The following SMIM36 variants were observed in gnomAD, a reference collection of about 807,000 sequenced individuals.
SMIM36 encodes the protein small integral membrane protein 36.
intron 1 of SMIM36, among the ~76,000 whole-genome samples, chr17:55,498,197 C>T (rs1032125668): frequency 6.6e-6 from 1 of 152,130 alleles, no homozygotes; most frequent in African/African-American, 2.4e-5. Flanking sequence ...GGATTAGGGG[C>T]CCACCATACT....
intron 4 of SMIM36, among the ~76,000 whole-genome samples, chr17:55,459,181 A>G (rs555864654): frequency 6.6e-6 from 1 of 152,246 alleles, no homozygotes; most frequent in African/African-American, 2.4e-5. Flanking sequence ...CCCCACCCCC[A>G]TCACACGCCC....
intron 1 of SMIM36, among the ~76,000 whole-genome samples, chr17:55,503,029 G>T (rs1440555131): frequency 4.7e-5 from 7 of 149,006 alleles, no homozygotes; most frequent in East Asian, 2.0e-4. Flanking sequence ...AGAGAAAAAA[G>T]AATAAAAAGA....
chr17:55,526,263 C>T, the SMIM36 span, among the ~76,000 whole-genome samples: 4 of 152,166 alleles, frequency 2.6e-5, no homozygotes, highest in Non-Finnish European at 5.9e-5. Flanking sequence ...CTCACCTCAG[C>T]CTCCCAAGTA....
At chr17:55,508,992 T>A (rs1254846931) in intron 1 of SMIM36, among the ~76,000 whole-genome samples, 2 of 149,600 alleles carry the variant, frequency 1.3e-5, no homozygotes, top group Non-Finnish European at 3.0e-5. Context: ...AAATTTCCTC[T>A]GAAGGGTTTT....
intron 1 of SMIM36, among the ~76,000 whole-genome samples, chr17:55,499,636 A>T (rs1210738679): frequency 6.6e-6 from 1 of 152,208 alleles, no homozygotes; most frequent in Non-Finnish European, 1.5e-5. Context: ...TATCATCCAA[A>T]TTAAGCCAAA....
intron 4 of SMIM36, among the ~76,000 whole-genome samples, chr17:55,452,822 C>A (rs1908943965): frequency 6.6e-6 from 1 of 152,300 alleles, no homozygotes; most frequent in Middle Eastern, 3.4e-3. Context: ...ACATATAATT[C>A]CAGTGACAAC....
At chr17:55,524,170 A>G in the SMIM36 span, among the ~76,000 whole-genome samples, 1 of 152,102 alleles carries the variant, frequency 6.6e-6, no homozygotes, top group Non-Finnish European at 1.5e-5. Context: ...GAGAACATGC[A>G]TTATTTGGTT....
chr17:55,496,674 T>G (rs1032806648), intron 1 of SMIM36, among the ~76,000 whole-genome samples: 1 of 152,194 alleles, frequency 6.6e-6, no homozygotes, highest in Non-Finnish European at 1.5e-5. Flanking sequence ...CCTCTAGTTC[T>G]CAGGAATTGT....
In SMIM36 at chr17:55,504,902, C is replaced by T. The variant is rs1351951987; in HGVS notation, c.*174+5977G>A. ...AAAATGACAAAGGGGATATCACCAC[C>T]GATCCCACAGAAATACAAACTACCA... On this transcript the variant is annotated intron_variant, in intron 1 of 4. Transcript: ENST00000636752. Among the ~76,000 whole-genome samples the T allele has an allele frequency of 2.6e-3, 177 of 69,190 alleles. 44 individuals carry two copies. The highest frequency in any genetic ancestry group is 7.5e-3 in the Admixed American group (55 of 7,364). The allele number at this position is 69,190 out of a possible 152,430, so 45.4% of individuals were successfully genotyped here. A position where few individuals can be genotyped will look rare whatever the true frequency, so the allele number is the denominator to read the frequency against.
chr17:55,498,913 C>T (rs1909859084), intron 1 of SMIM36, among the ~76,000 whole-genome samples: 2 of 146,192 alleles, frequency 1.4e-5, no homozygotes, highest in South Asian at 4.3e-4. Flanking sequence ...GCAGGATAAC[C>T]ACTTGAACCT....
intron 1 of SMIM36, among the ~76,000 whole-genome samples, chr17:55,502,008 T>C (rs1426187743): frequency 1.3e-5 from 2 of 151,562 alleles, no homozygotes; most frequent in African/African-American, 4.8e-5. Context: ...ATATTGCGCT[T>C]TTCAGACCGG....
intron 1 of SMIM36, among the ~76,000 whole-genome samples, chr17:55,484,128 GAAA>G (rs778001967): frequency 4.8e-4 from 73 of 151,520 alleles, no homozygotes; most frequent in Non-Finnish European, 5.6e-4. Flanking sequence ...TTTTTAAACA[GAAA>G]AAAATCACCA....
intron 4 of SMIM36, among the ~76,000 whole-genome samples, chr17:55,465,123 A>G (rs1004379131): frequency 6.6e-6 from 1 of 152,238 alleles, no homozygotes; most frequent in African/African-American, 2.4e-5. Context: ...ACAAGTTCAT[A>G]AACAATCTGC....
intron 4 of SMIM36, among the ~76,000 whole-genome samples, chr17:55,457,225 G>A (rs1294214538): frequency 4.6e-5 from 7 of 151,898 alleles, no homozygotes; most frequent in Non-Finnish European, 1.0e-4. Flanking sequence ...TGAGACGGGC[G>A]GATCACGAGG....
the SMIM36 span, among the ~76,000 whole-genome samples, chr17:55,524,541 T>C: frequency 2.0e-5 from 3 of 152,168 alleles, no homozygotes; most frequent in Admixed American, 6.5e-5. Context: ...CTACCGACAG[T>C]GTATAGGCGT....
intron 1 of SMIM36, among the ~76,000 whole-genome samples, chr17:55,497,855 C>CTT (rs1263549557): frequency 2.0e-5 from 3 of 152,194 alleles, no homozygotes; most frequent in Non-Finnish European, 1.5e-5. Flanking sequence ...AATCATGTAA[C>CTT]TGACCCTAAA....
chr17:55,453,846 G>C (rs1424106431), intron 4 of SMIM36, among the ~76,000 whole-genome samples: 2 of 152,176 alleles, frequency 1.3e-5, no homozygotes, highest in African/African-American at 4.8e-5. Context: ...ATCTTCATTG[G>C]GTGATGTCTG....
the SMIM36 span, among the ~76,000 whole-genome samples, chr17:55,518,077 G>C: frequency 6.6e-6 from 1 of 152,198 alleles, no homozygotes; most frequent in African/African-American, 2.4e-5. Flanking sequence ...CAGAATACTT[G>C]AGACTGGATA....
intron 4 of SMIM36, among the ~76,000 whole-genome samples, chr17:55,463,336 T>C (rs1909178211): frequency 6.6e-6 from 1 of 152,038 alleles, no homozygotes. Flanking sequence ...GGAAGATTGC[T>C]TGAGCCTAGG....
Sources: allele counts gnomAD v4.1 joint callset (sites outside exome capture counted in the v4.1 genomes callset), GRCh38; gene constraint gnomAD v4.1.1; transcripts MANE v1.5; gene names NCBI Gene and HGNC (gene_info 2026-07-23, HGNC 2026-07-21).